Variants in PARD3B observed in about 807,000 individuals in gnomAD.
The protein encoded by PARD3B is par-3 family cell polarity regulator beta, also known as partitioning defective 3 homolog B.
A neutral mutation model predicts 130.2 loss-of-function variants in PARD3B; 103 were observed. The ratio of observed to expected loss-of-function variants is 0.79; its 90% CI spans 0.67 to 0.93. The LOEUF (loss-of-function observed/expected upper bound fraction) is 0.93. Among genes scored for constraint, PARD3B ranks in the 40% least tolerant of loss-of-function variants. PARD3B has a pLI of 0.00. For missense variants in PARD3B, 1,609 were observed against 1,499.2 expected (o/e 1.07, Z -1.21); for synonymous variants, 583 against 553.2 (o/e 1.05, Z -0.76).
At chr2:205,358,553 C>T (rs1012224877) in intron 18 of PARD3B, among the ~76,000 whole-genome samples, 4 of 152,196 alleles carry the variant, frequency 2.6e-5, no homozygotes, top group Non-Finnish European at 5.9e-5. Context: ...TAATATCTGC[C>T]CCAAGGGGCG....
At chr2:204,874,025 C>T (rs2045741270) in intron 2 of PARD3B, among the ~76,000 whole-genome samples, 1 of 152,080 alleles carries the variant, frequency 6.6e-6, no homozygotes, top group African/African-American at 2.4e-5. Context: ...TACCTGTAAT[C>T]CCAGCTACTT....
intron 22 of PARD3B, among the ~76,000 whole-genome samples, chr2:205,601,640 T>C (rs1451684847): frequency 6.6e-6 from 1 of 152,206 alleles, no homozygotes; most frequent in African/African-American, 2.4e-5. Context: ...GGGTTTTACA[T>C]TTAGGTCTTT....
intron 2 of PARD3B, among the ~76,000 whole-genome samples, chr2:204,788,159 T>A (rs1437107093): frequency 6.6e-6 from 1 of 152,226 alleles, no homozygotes; most frequent in Non-Finnish European, 1.5e-5. Flanking sequence ...ACTGGGACAG[T>A]AGAATACATA....
intron 3 of PARD3B, among the ~76,000 whole-genome samples, chr2:204,992,553 C>T (rs1356389034): frequency 1.7e-4 from 25 of 145,948 alleles, no homozygotes; most frequent in African/African-American, 6.1e-4. Context: ...ATTGCCTTGG[C>T]GATGCGGGCT....
Position 205,297,556 on chromosome 2 carries a change from C to T in PARD3B, c.2186-2974C>T, listed in dbSNP as rs138340496. On this transcript the variant is annotated intron_variant, in intron 16 of 22. Transcript: ENST00000406610. ...GTAACCTTGACCTTCTGTAGGAGCC[C>T]TCAAACATATGAAAGACATGGGGAT... Among the ~76,000 whole-genome samples, 13 of 152,212 alleles carry T rather than the reference C, an allele frequency of 8.5e-5. No homozygotes were observed. The East Asian group carries it at 2.5e-3, about 29-fold the overall frequency.
intron 18 of PARD3B, among the ~76,000 whole-genome samples, chr2:205,370,576 CCT>C (rs2044774336): frequency 6.6e-6 from 1 of 152,136 alleles, no homozygotes; most frequent in Admixed American, 6.6e-5. Flanking sequence ...TCATAACTGA[CCT>C]TATGGATCTA....
intron 2 of PARD3B, among the ~76,000 whole-genome samples, chr2:204,751,748 G>A (rs2040475243): frequency 6.6e-6 from 1 of 152,186 alleles, no homozygotes; most frequent in South Asian, 2.1e-4. Flanking sequence ...GAGAGAAACT[G>A]TCATGGATGT....
intron 2 of PARD3B, among the ~76,000 whole-genome samples, chr2:204,751,607 T>C (rs1436662851): frequency 6.6e-6 from 1 of 152,236 alleles, no homozygotes; most frequent in Non-Finnish European, 1.5e-5. Context: ...CTTGTCTTCT[T>C]CAGTCCTGGT....
intron 2 of PARD3B, among the ~76,000 whole-genome samples, chr2:204,921,892 C>A (rs2047694674): frequency 6.6e-6 from 1 of 152,064 alleles, no homozygotes; most frequent in Non-Finnish European, 1.5e-5. Flanking sequence ...GTGACAGATG[C>A]AAAAGTTATT....
chr2:205,247,371 A>C (rs2125922226), intron 16 of PARD3B, among the ~76,000 whole-genome samples: 1 of 152,338 alleles, frequency 6.6e-6, no homozygotes, highest in South Asian at 2.1e-4. Flanking sequence ...ACATAGTATG[A>C]TATAAAATAT....
At chr2:205,018,749 A>AAAAAAAAG (rs1559359658) in intron 3 of PARD3B, among the ~76,000 whole-genome samples, 76 of 120,082 alleles carry the variant, frequency 6.3e-4, no homozygotes, top group Non-Finnish European at 1.0e-3. Flanking sequence ...AAAAAAAAAA[A>AAAAAAAAG]AGCACGCTGA....
At chr2:205,298,090 G>C (rs984405799) in intron 16 of PARD3B, among the ~76,000 whole-genome samples, 2 of 152,264 alleles carry the variant, frequency 1.3e-5, no homozygotes, top group East Asian at 3.9e-4. Context: ...GGAATTTATT[G>C]CTAAACGTTG....
Position 205,121,707 on chromosome 2 carries a change from G to C in PARD3B, c.923G>C (p.Gly308Ala). 1 of 1,614,118 alleles carries C rather than the reference G, an allele frequency of 6.2e-7. No homozygotes were observed. Among genetic ancestry groups the C allele is most frequent in the Non-Finnish European group, 8.5e-7 (1 of 1,180,022 alleles). The change falls in exon 8 of 23, where the codon GGT becomes GCT. Residue 308 changes from glycine to alanine, a missense_variant. Transcript: ENST00000406610. This position sits in a 1 kb window ranked among gnomAD's most constrained non-coding sequence, Gnocchi z 5.0. The part of the protein sequence containing the change: ...KSVIGSLNIF[G>A]NNDGVLKTKV... The stretch of plus-strand genomic sequence containing the variant: ...GTCATTGGCTCTCTTAACATTTTTG[G>C]TAATAATGATGGCGTTTTGAAAACC...
chr2:205,156,955 C>G (rs1183487576), intron 10 of PARD3B, among the ~76,000 whole-genome samples: 1 of 151,992 alleles, frequency 6.6e-6, no homozygotes, highest in South Asian at 2.1e-4. Context: ...ATATAATTGC[C>G]AAAAGAGGAA....
In PARD3B at chr2:205,168,288, G is replaced by GGAGAGAGAGAGAGAGAGA. The variant is rs761018109; in HGVS notation, c.1621-3907_1621-3890dup. Among the ~76,000 whole-genome samples, 191 of 126,846 alleles carry GGAGAGAGAGAGAGAGAGA rather than the reference G, an allele frequency of 1.5e-3. 1 individual carries two copies. The highest frequency in any genetic ancestry group is 6.3e-3 in the East Asian group (26 of 4,102). 83.2% of individuals were successfully genotyped at this position (126,846 alleles called of 152,430 possible). A position where few individuals can be genotyped will look rare whatever the true frequency, so the allele number is the denominator to read the frequency against. On this transcript the variant is annotated intron_variant, in intron 11 of 22. Transcript: ENST00000406610. ...AGAGGAAGAAAAAGGGGTGAGAAAG[G>GGAGAGAGAGAGAGAGAGA]GAGAGAGAGAGAGAGAGAGAGAGAG... is the stretch of plus-strand genomic sequence containing the variant.
chr2:204,683,513 T>G (rs1009464397), intron 1 of PARD3B, among the ~76,000 whole-genome samples: 5 of 152,306 alleles, frequency 3.3e-5, no homozygotes, highest in Non-Finnish European at 4.4e-5. Flanking sequence ...TTACGATGGC[T>G]GTAGGTTGCA....
At chr2:205,334,413 A>G (rs994190469) in intron 18 of PARD3B, among the ~76,000 whole-genome samples, 11 of 152,238 alleles carry the variant, frequency 7.2e-5, no homozygotes, top group African/African-American at 2.4e-4. Context: ...AATGTGCAAG[A>G]TGAATTCAAT....
intron 18 of PARD3B, among the ~76,000 whole-genome samples, chr2:205,307,697 T>A (rs2042234341): frequency 6.6e-6 from 1 of 152,176 alleles, no homozygotes; most frequent in South Asian, 2.1e-4. Context: ...TTGTCTAAAG[T>A]GGAAAACCCA....
chr2:204,940,364 A>G (rs187059092), intron 2 of PARD3B, among the ~76,000 whole-genome samples: 1 of 152,326 alleles, frequency 6.6e-6, no homozygotes, highest in African/African-American at 2.4e-5. Context: ...TAAATCAGAA[A>G]GTAGTGACAA....
Sources: allele counts gnomAD v4.1 joint callset (sites outside exome capture counted in the v4.1 genomes callset), GRCh38; gene constraint gnomAD v4.1.1; non-coding constraint Gnocchi (gnomAD v3.1); transcripts MANE v1.5; gene names NCBI Gene and HGNC (gene_info 2026-07-23, HGNC 2026-07-21).